The following SLC24A3 variants were observed in gnomAD, a reference collection of about 807,000 sequenced individuals.
SLC24A3 encodes the protein solute carrier family 24 member 3, also known as sodium/potassium/calcium exchanger 3.
A neutral mutation model predicts 75.8 loss-of-function variants in SLC24A3; 28 were observed. The observed-to-expected ratio is 0.37, with a 90% confidence interval of 0.27 to 0.51. The LOEUF is 0.51. SLC24A3 is among the 20% of genes least tolerant of loss of function. The probability of loss-of-function intolerance (pLI) is 0.94; values close to 1 mark genes in which losing one functional copy is unlikely to be tolerated. For synonymous variants in SLC24A3, 372 were observed against 334.1 expected, an observed-to-expected ratio of 1.11 and a Z score of -1.24; for missense variants, 663 against 847.8, an observed-to-expected ratio of 0.78 and a Z score of 2.71.
Position 19,399,791 on chromosome 20 carries a change from C to T in SLC24A3, c.272-115697C>T, listed in dbSNP as rs534947715. On this transcript the variant is annotated intron_variant, in intron 2 of 16. Transcript: ENST00000328041. ...TGGTTGGTAGAGCTGTTGAAATCTA[C>T]TATCTACTTACTAGCTTTCTGTCTA... Among the ~76,000 whole-genome samples, 14 of 152,306 alleles carry T rather than the reference C, an allele frequency of 9.2e-5. No homozygotes were observed. The East Asian group carries it at 2.7e-3, about 29-fold the overall frequency.
At chr20:19,548,716 C>T (rs2030644790) in intron 3 of SLC24A3, among the ~76,000 whole-genome samples, 1 of 152,206 alleles carries the variant, frequency 6.6e-6, no homozygotes, top group African/African-American at 2.4e-5. Context: ...GTTGGACCCA[C>T]CAAGAATAAT....
chr20:19,610,362 C>T (rs926007482), intron 6 of SLC24A3, among the ~76,000 whole-genome samples: 11 of 152,170 alleles, frequency 7.2e-5, no homozygotes, highest in African/African-American at 2.7e-4. Context: ...TGGTCTACCC[C>T]ACTCTGGCCT....
chr20:19,704,845 C>T (rs1006820370), intron 15 of SLC24A3, among the ~76,000 whole-genome samples: 1 of 152,088 alleles, frequency 6.6e-6, no homozygotes, highest in East Asian at 1.9e-4. Context: ...TCACACTGGG[C>T]CACCAAGACT....
intron 2 of SLC24A3, among the ~76,000 whole-genome samples, chr20:19,492,918 C>T (rs1381647690): frequency 1.3e-5 from 2 of 152,184 alleles, no homozygotes; most frequent in Non-Finnish European, 2.9e-5. Flanking sequence ...GCTATCCAGC[C>T]ATAGCGATGG....
At chr20:19,416,480 A>G (rs1467943828) in intron 2 of SLC24A3, among the ~76,000 whole-genome samples, 1 of 152,138 alleles carries the variant, frequency 6.6e-6, no homozygotes, top group Non-Finnish European at 1.5e-5. Flanking sequence ...TTCTCTTATA[A>G]TGAAGACCTT....
At chr20:19,645,363 C>T (rs189620677) in intron 6 of SLC24A3, among the ~76,000 whole-genome samples, 70 of 152,246 alleles carry the variant, frequency 4.6e-4, no homozygotes, top group African/African-American at 1.6e-3. Flanking sequence ...ATTGTTGATG[C>T]TAATTAATAT....
intron 1 of SLC24A3, among the ~76,000 whole-genome samples, chr20:19,235,756 C>T (rs1352040051): frequency 1.3e-5 from 2 of 152,202 alleles, no homozygotes; most frequent in East Asian, 1.9e-4. Flanking sequence ...CAGGTGCATC[C>T]CCTGCAGAAC....
intron 2 of SLC24A3, among the ~76,000 whole-genome samples, chr20:19,501,496 G>A (rs537811035): frequency 6.6e-6 from 1 of 152,268 alleles, no homozygotes; most frequent in South Asian, 2.1e-4. Flanking sequence ...CTTCACATGG[G>A]ACATCAAAAT....
chr20:19,510,611 G>T (rs1259422376), intron 2 of SLC24A3, among the ~76,000 whole-genome samples: 2 of 152,296 alleles, frequency 1.3e-5, no homozygotes, highest in Non-Finnish European at 2.9e-5. Context: ...GTCACATAAA[G>T]GTGTAAGAGT....
chr20:19,276,593 CA>C (rs905276235), intron 1 of SLC24A3, among the ~76,000 whole-genome samples: 6 of 152,050 alleles, frequency 3.9e-5, no homozygotes, highest in Non-Finnish European at 7.4e-5. Flanking sequence ...AGCAAAGGGA[CA>C]GTAAAAATAT....
chr20:19,442,455 T>G (rs948219954), intron 2 of SLC24A3, among the ~76,000 whole-genome samples: 1 of 152,230 alleles, frequency 6.6e-6, no homozygotes, highest in African/African-American at 2.4e-5. Context: ...ATTTTCCTAA[T>G]GACATATGAT....
At chr20:19,420,888 C>T (rs1170275231) in intron 2 of SLC24A3, among the ~76,000 whole-genome samples, 12 of 27,680 alleles carry the variant, frequency 4.3e-4, no homozygotes, top group Non-Finnish European at 4.9e-4. Context: ...GAAATAATGC[C>T]GCATATCTAC....
At chr20:19,325,753 T>TATAC (rs1283913857) in intron 2 of SLC24A3, among the ~76,000 whole-genome samples, 2 of 71,224 alleles carry the variant, frequency 2.8e-5, no homozygotes, top group South Asian at 4.0e-4. Flanking sequence ...TGTGTGTGTG[T>TATAC]ATACATACAT....
intron 2 of SLC24A3, among the ~76,000 whole-genome samples, chr20:19,437,190 C>T (rs1987219827): frequency 6.6e-6 from 1 of 152,020 alleles, no homozygotes; most frequent in Non-Finnish European, 1.5e-5. Flanking sequence ...GTATCCCCAC[C>T]CAAGTCTCAC....
chr20:19,522,882 A>G (rs1277699560), intron 3 of SLC24A3, among the ~76,000 whole-genome samples: 1 of 152,144 alleles, frequency 6.6e-6, no homozygotes, highest in Non-Finnish European at 1.5e-5. Flanking sequence ...AATCAGGCTA[A>G]TTAATATATT....
chr20:19,241,938 G>A (rs1600389281), intron 1 of SLC24A3, among the ~76,000 whole-genome samples: 1 of 152,174 alleles, frequency 6.6e-6, no homozygotes, highest in East Asian at 1.9e-4. Flanking sequence ...AATAATAAGT[G>A]AACTTGATCA....
intron 2 of SLC24A3, among the ~76,000 whole-genome samples, chr20:19,301,836 A>G (rs1250291372): frequency 1.3e-5 from 2 of 152,126 alleles, no homozygotes; most frequent in East Asian, 3.9e-4. Context: ...ATTATGTTTG[A>G]ACAGCTTGTG....
chr20:19,333,082 C>A (rs1985038447), intron 2 of SLC24A3, among the ~76,000 whole-genome samples: 1 of 152,110 alleles, frequency 6.6e-6, no homozygotes, highest in Admixed American at 6.5e-5. Flanking sequence ...AGGGAAGTGT[C>A]CTTCAAAGCT....
intron 2 of SLC24A3, among the ~76,000 whole-genome samples, chr20:19,311,756 C>T (rs1006739092): frequency 1.7e-4 from 26 of 151,952 alleles, no homozygotes; most frequent in African/African-American, 4.8e-4. Flanking sequence ...ATGCAGCTCT[C>T]TTTTTTCCCC....
Sources: gnomAD v4.1 joint callset for allele counts (sites outside exome capture counted in the v4.1 genomes callset) on GRCh38, gnomAD v4.1.1 for gene constraint, MANE v1.5 for transcripts, NCBI Gene and HGNC (gene_info 2026-07-23, HGNC 2026-07-21) for gene names.